DNAAF11: variants seen among roughly 807,000 people sequenced by gnomAD.
The protein encoded by DNAAF11 is leucine rich repeat containing 6.
In DNAAF11, 45 loss-of-function variants were observed where a neutral mutation model predicts 60.8. That is an observed-to-expected ratio of 0.74 (90% CI 0.58 to 0.95). The LOEUF (loss-of-function observed/expected upper bound fraction) is 0.95, where lower values mean the gene tolerates loss of function less well. DNAAF11 is among the 40% of genes least tolerant of loss of function. The probability of loss-of-function intolerance (pLI) is 0.00; values close to 1 mark genes in which losing one functional copy is unlikely to be tolerated. For synonymous variants in DNAAF11, 191 were observed against 183.5 expected, an observed-to-expected ratio of 1.04 and a Z score of -0.33; for missense variants, 546 against 546.2, an observed-to-expected ratio of 1.00 and a Z score of 0.00.
At chr8:132,583,585 A>G in intron 11 of DNAAF11, 109 bp downstream of exon 11, 1 of 818,906 alleles carries the variant, frequency 1.2e-6, no homozygotes. Context: ...GGTATGAATC[A>G]TCTCAGAACT....
intron 11 of DNAAF11, among the ~76,000 whole-genome samples, chr8:132,580,336 A>G (rs1371848123): frequency 6.6e-6 from 1 of 152,228 alleles, no homozygotes; most frequent in Non-Finnish European, 1.5e-5. Context: ...CAAGCAAGCA[A>G]GCTGTGGTTC....
At chr8:132,701,089 C>T in the DNAAF11 span, among the ~76,000 whole-genome samples, 1 of 152,142 alleles carries the variant, frequency 6.6e-6, no homozygotes, top group African/African-American at 2.4e-5. Context: ...ATGGCACCAA[C>T]CTTGTCTATG....
At chr8:132,674,181 AAGGAGG>A (rs1411283543) in intron 1 of DNAAF11, among the ~76,000 whole-genome samples, 10 of 82,548 alleles carry the variant, frequency 1.2e-4, no homozygotes, top group African/African-American at 5.3e-4. Context: ...GGAGGAGGAG[AAGGAGG>A]AGGAGGAGAA....
chr8:132,591,065 A>G (rs1816412049), intron 10 of DNAAF11, among the ~76,000 whole-genome samples: 1 of 152,162 alleles, frequency 6.6e-6, no homozygotes, highest in Non-Finnish European at 1.5e-5. Context: ...TGTATATTGT[A>G]TGATATATGT....
At chr8:132,652,028 T>A (rs1051020846) in intron 3 of DNAAF11, among the ~76,000 whole-genome samples, 2 of 152,238 alleles carry the variant, frequency 1.3e-5, no homozygotes, top group East Asian at 1.9e-4. Context: ...TTAAAGAATC[T>A]TAATAGTCAC....
At chr8:132,644,190 C>G (rs986190172) in intron 3 of DNAAF11, among the ~76,000 whole-genome samples, 2 of 152,128 alleles carry the variant, frequency 1.3e-5, no homozygotes, top group African/African-American at 4.8e-5. Flanking sequence ...TTATTCTTTC[C>G]TCCATTGCTA....
At chr8:132,582,344 C>G (rs76804637) in intron 11 of DNAAF11, among the ~76,000 whole-genome samples, 1 of 152,178 alleles carries the variant, frequency 6.6e-6, no homozygotes, top group African/African-American at 2.4e-5. Context: ...TATGAAGAAT[C>G]GTGCTAAGAC....
chr8:132,696,376 G>A, the DNAAF11 span, among the ~76,000 whole-genome samples: 1 of 152,116 alleles, frequency 6.6e-6, no homozygotes, highest in Non-Finnish European at 1.5e-5. Context: ...ACTTTGAAAA[G>A]CAGTTGGCAT....
At chr8:132,597,870 A>G (rs1026761245) in intron 10 of DNAAF11, among the ~76,000 whole-genome samples, 2 of 152,172 alleles carry the variant, frequency 1.3e-5, no homozygotes, top group Non-Finnish European at 1.5e-5. Flanking sequence ...GGAATTTCAC[A>G]GGAGAATAAA....
intron 3 of DNAAF11, among the ~76,000 whole-genome samples, chr8:132,648,495 A>G (rs199916674): frequency 6.6e-6 from 1 of 152,132 alleles, no homozygotes; most frequent in African/African-American, 2.4e-5. Flanking sequence ...ATATAGTGTT[A>G]GAAGTTCTGG....
intron 3 of DNAAF11, among the ~76,000 whole-genome samples, chr8:132,652,619 G>A (rs1586700373): frequency 6.6e-6 from 1 of 152,102 alleles, no homozygotes; most frequent in Non-Finnish European, 1.5e-5. Context: ...CCATAAAAAA[G>A]GGTGAGTTCA....
At chr8:132,681,912 C>T in the DNAAF11 span, among the ~76,000 whole-genome samples, 1 of 152,170 alleles carries the variant, frequency 6.6e-6, no homozygotes, top group Non-Finnish European at 1.5e-5. Flanking sequence ...TGCTTACCCT[C>T]ATTGTTTTTC....
intron 10 of DNAAF11, among the ~76,000 whole-genome samples, chr8:132,596,886 A>G (rs965951488): frequency 2.6e-4 from 40 of 152,240 alleles, no homozygotes; most frequent in Non-Finnish European, 3.7e-4. Context: ...GACTAGGGAC[A>G]GCTGTGCAGG....
rs761021690 is a variant in DNAAF11 at position 132,643,635 on chromosome 8, T to A, written c.257-5528A>T. On this transcript the variant is annotated intron_variant, in intron 3 of 11. Transcript: ENST00000620350. ...AGAAAATTGAGAACCTTGCAGATGG[T>A]GTGAGAGAACAAAATCTGCATCGTC... The A allele has an allele frequency of 1.7e-4, 79 of 456,092 alleles. 1 individual carries two copies. The highest frequency in any genetic ancestry group is 1.2e-3 in the South Asian group (78 of 64,568). 28.3% of individuals were successfully genotyped at this position (456,092 alleles called of 1,614,324 possible).
intron 10 of DNAAF11, among the ~76,000 whole-genome samples, chr8:132,600,291 G>A (rs1817473553): frequency 6.6e-6 from 1 of 152,046 alleles, no homozygotes; most frequent in Non-Finnish European, 1.5e-5. Context: ...ACAAATGGAA[G>A]AACATTCCAT....
At chr8:132,577,245 C>T (rs1479258488) in intron 11 of DNAAF11, among the ~76,000 whole-genome samples, 3 of 152,136 alleles carry the variant, frequency 2.0e-5, no homozygotes, top group African/African-American at 4.8e-5. Flanking sequence ...TCATCTGTGA[C>T]ACTCAAGGAA....
At chr8:132,689,717 GTA>G in the DNAAF11 span, among the ~76,000 whole-genome samples, 3 of 148,910 alleles carry the variant, frequency 2.0e-5, no homozygotes, top group African/African-American at 5.1e-5. Context: ...GTGTGTGTGT[GTA>G]TGTGTATATA....
intron 10 of DNAAF11, among the ~76,000 whole-genome samples, chr8:132,598,113 T>A (rs1427579481): frequency 6.6e-6 from 1 of 152,204 alleles, no homozygotes; most frequent in Non-Finnish European, 1.5e-5. Context: ...TGCAAAATGA[T>A]AATCACCCCT....
intron 3 of DNAAF11, among the ~76,000 whole-genome samples, chr8:132,639,415 C>T (rs568205819): frequency 6.6e-6 from 1 of 152,150 alleles, no homozygotes; most frequent in African/African-American, 2.4e-5. Flanking sequence ...TTCTACACAC[C>T]CTTCCATTAT....
Sources: gnomAD v4.1 joint callset for allele counts (sites outside exome capture counted in the v4.1 genomes callset) on GRCh38, gnomAD v4.1.1 for gene constraint, MANE v1.5 for transcripts, NCBI Gene and HGNC (gene_info 2026-07-23, HGNC 2026-07-21) for gene names.